Variants in GRAMD4 observed in about 807,000 individuals in gnomAD.
GRAMD4 encodes GRAM domain-containing protein 4.
Under a neutral mutation model 83.9 loss-of-function variants are expected in GRAMD4, and 25 were observed. The ratio of observed to expected loss-of-function variants is 0.30; its 90% confidence interval spans 0.22 to 0.42. The LOEUF (loss-of-function observed/expected upper bound fraction) is 0.42. GRAMD4 is among the 10% of genes least tolerant of loss of function. The pLI, the probability that GRAMD4 is intolerant of heterozygous loss-of-function variation, is 1.00. For synonymous variants in GRAMD4, 336 were observed against 320.9 expected (o/e 1.05, Z -0.50); for missense variants, 593 against 788.7 (o/e 0.75, Z 2.97).
At position 46,622,415 on chromosome 22, in the gene GRAMD4, G is replaced by A. The variant is rs2081588786; in HGVS notation, c.-50+1850G>A. ...GGGTTTTTGAAAATGGAAGGAAGTA[G>A]GTTTTACATTGCTACACTTCCCCTA... On this transcript the variant is annotated intron_variant, in intron 1 of 18. Transcript: ENST00000406902. The surrounding 1 kb of genome is among the most constrained non-coding windows in gnomAD (Gnocchi z 4.0). Among the ~76,000 whole-genome samples, 1 of 152,116 alleles carries A rather than the reference G, an allele frequency of 6.6e-6. No homozygotes were observed. The highest frequency in any genetic ancestry group is 2.4e-5 in the African/African-American group (1 of 41,406).
chr22:46,618,720 G>C (rs1038091040), upstream of GRAMD4, among the ~76,000 whole-genome samples: 1 of 152,084 alleles, frequency 6.6e-6, no homozygotes, highest in Non-Finnish European at 1.5e-5. This position sits in a 1 kb window ranked among gnomAD's most constrained non-coding sequence, Gnocchi z 5.8. Flanking sequence ...GGGGAGGCAC[G>C]CGGCTGCCTG....
chr22:46,598,735 G>A (rs1163966611), intron 1 of GRAMD4, among the ~76,000 whole-genome samples: 5 of 151,726 alleles, frequency 3.3e-5, no homozygotes, highest in Non-Finnish European at 4.4e-5. Context: ...AAGTATACCC[G>A]AAATTGGAAC....
intron 3 of GRAMD4, among the ~76,000 whole-genome samples, 154 bp from the exon 4 acceptor site, chr22:46,658,033 G>A (rs543420723): frequency 3.7e-4 from 56 of 152,200 alleles, no homozygotes; most frequent in African/African-American, 1.2e-3. Context: ...TGCTGTGAGC[G>A]CCCCGCACCC....
At chr22:46,651,318 T>C (rs1342341024) in intron 3 of GRAMD4, among the ~76,000 whole-genome samples, 3 of 152,242 alleles carry the variant, frequency 2.0e-5, no homozygotes, top group Non-Finnish European at 2.9e-5. Flanking sequence ...CTCAGCCTAT[T>C]TCGGCCGGCC....
rs1013922660 is a variant in GRAMD4, at chr22:46,679,158, G to A, written c.*1907G>A. ...GGCCACACCTCTCTCCCCAGGGCCC[G>A]GCAGTGCCCAAGGATGGGTCCGGGG... On this transcript the variant is annotated 3_prime_UTR_variant, in exon 19 of 19. Transcript: ENST00000406902. 57 of 985,542 alleles carry A rather than the reference G, an allele frequency of 5.8e-5. No individual in the cohort carries two copies. In the East Asian group the frequency reaches 3.3e-3, roughly 57 times the overall value. The allele number at this position is 985,542 out of a possible 1,614,324, so 61.0% of individuals were successfully genotyped here.
chr22:46,610,208 G>A (rs1357886305), intron 1 of GRAMD4, among the ~76,000 whole-genome samples: 1 of 152,226 alleles, frequency 6.6e-6, no homozygotes, highest in Non-Finnish European at 1.5e-5. Context: ...ACATGAATCT[G>A]TGATGCGCGG....
chr22:46,615,217 CCGTGTGTAGGTTCCCT>C (rs1402717650), intron 1 of GRAMD4, among the ~76,000 whole-genome samples: 1 of 16,548 alleles, frequency 6.0e-5, no homozygotes, highest in Non-Finnish European at 1.1e-4. Context: ...GTAGGTTCCC[CCGTGTGTAGGTTCCCT>C]TGTGCATGTA....
At chr22:46,665,998 C>T (rs2082403076) in intron 9 of GRAMD4, among the ~76,000 whole-genome samples, 1 of 152,250 alleles carries the variant, frequency 6.6e-6, no homozygotes, top group Non-Finnish European at 1.5e-5. Flanking sequence ...TTCTCCCCAA[C>T]ATCAGTGGGT....
chr22:46,610,258 G>A (rs1218671404), intron 1 of GRAMD4, among the ~76,000 whole-genome samples: 2 of 152,322 alleles, frequency 1.3e-5, no homozygotes, highest in African/African-American at 4.8e-5. Context: ...TGAGGGCTGC[G>A]GTTCCCTCTG....
At chr22:46,635,631 C>T (rs2081866868) in intron 2 of GRAMD4, among the ~76,000 whole-genome samples, 3 of 125,670 alleles carry the variant, frequency 2.4e-5, no homozygotes, top group African/African-American at 8.5e-5. Flanking sequence ...CACTCCTGTC[C>T]TGGGGGACCG....
At chr22:46,646,448 C>T (rs1203079670) in intron 3 of GRAMD4, among the ~76,000 whole-genome samples, 1 of 152,176 alleles carries the variant, frequency 6.6e-6, no homozygotes, top group South Asian at 2.1e-4. Context: ...TCTGAATGCT[C>T]AGTTTTAATG....
intron 2 of GRAMD4, 23 bp downstream of exon 2, chr22:46,626,984 C>T (rs751243677): frequency 2.9e-5 from 46 of 1,568,304 alleles, no homozygotes; most frequent in South Asian, 2.1e-4. Context: ...CCTCGTCCCC[C>T]GGTGTGGGCT....
intron 3 of GRAMD4, among the ~76,000 whole-genome samples, chr22:46,638,268 G>C (rs775465985): frequency 5.5e-4 from 83 of 152,274 alleles, no homozygotes; most frequent in Non-Finnish European, 1.0e-3. Flanking sequence ...TGGGGAAAAG[G>C]AGTGAAATGT....
At position 46,663,205 on chromosome 22, in the gene GRAMD4, G is replaced by A. The variant is rs777338488; in HGVS notation, c.599+33G>A. On this transcript the variant is annotated intron_variant, in intron 6 of 18. Transcript: ENST00000406902. ...TTCGCCGAGCTGGGGCTGCCTGTGC[G>A]TTAGGGGCCCCGGTCCCTGGGCTGA... 17 of 1,596,352 alleles carry A rather than the reference G, an allele frequency of 1.1e-5. No homozygotes were observed. The Admixed American group carries it at 1.2e-4, about 11-fold the overall frequency.
downstream of GRAMD4, among the ~76,000 whole-genome samples, chr22:46,680,543 T>TGTCTGTCCGTCCGTCCGTCCGTCC (rs2082655494): frequency 2.8e-5 from 2 of 70,510 alleles, no homozygotes; most frequent in Non-Finnish European, 5.7e-5. Context: ...CATCCACATC[T>TGTCTGTCCGTCCGTCCGTCCGTCC]GTCCGTCCGT....
At chr22:46,680,210 CAG>C (rs373511055), downstream of GRAMD4, among the ~76,000 whole-genome samples, 53 of 152,284 alleles carry the variant, frequency 3.5e-4, no homozygotes, top group African/African-American at 1.2e-3. Context: ...GTTCTGGACA[CAG>C]GGGTTTCCAG....
rs1378522408 is a variant in GRAMD4, at chr22:46,668,858, C to G, written c.1034C>G (p.Ala345Gly). The change falls in exon 13 of 19, where the codon GCC (alanine) becomes GGC (glycine). Residue 345 changes from alanine to glycine, a missense_variant. Transcript: ENST00000406902. ...TQKLYVALWA[A>G]FLASCFFPYR... ...AAGCTGTATGTGGCGCTCTGGGCTG[C>G]CTTCCTGGCCTCCTGCTTCTTCCCC... The G allele has an allele frequency of 3.7e-6, 6 of 1,612,690 alleles. No homozygotes were observed. The highest frequency in any genetic ancestry group is 5.1e-6 in the Non-Finnish European group (6 of 1,179,446).
intron 2 of GRAMD4, among the ~76,000 whole-genome samples, chr22:46,628,863 T>C (rs1462869083): frequency 6.6e-6 from 1 of 151,754 alleles, no homozygotes; most frequent in Non-Finnish European, 1.5e-5. Context: ...ATGTGGCTCC[T>C]GGGGGTGGCA....
chr22:46,653,024 C>A (rs1218817305), intron 3 of GRAMD4, among the ~76,000 whole-genome samples: 1 of 152,158 alleles, frequency 6.6e-6, no homozygotes, highest in East Asian at 1.9e-4. Context: ...CTTGGCCTTG[C>A]AGGGAGCCGT....
Sources: gnomAD v4.1 joint callset for allele counts (sites outside exome capture counted in the v4.1 genomes callset) on GRCh38, gnomAD v4.1.1 for gene constraint, Gnocchi (gnomAD v3.1) non-coding constraint, MANE v1.5 for transcripts, NCBI Gene and HGNC (gene_info 2026-07-23, HGNC 2026-07-21) for gene names.